The following ESF1 variants were observed in gnomAD, a reference collection of about 807,000 sequenced individuals.
The protein encoded by ESF1 is ESF1 nucleolar pre-rRNA processing protein, also known as ESF1 homolog.
ESF1 carries 58 observed loss-of-function variants against 92.0 expected under a neutral mutation model. The ratio of observed to expected loss-of-function variants is 0.63; its 90% confidence interval spans 0.51 to 0.78. ESF1 has a LOEUF of 0.78. Among genes scored for constraint, ESF1 ranks in the 30% least tolerant of loss-of-function variants. The pLI is 0.00. For missense variants in ESF1, 922 were observed against 989.1 expected (o/e 0.93, Z 0.91); for synonymous variants, 321 against 313.7 (o/e 1.02, Z -0.24).
intron 2 of ESF1, 61 bp downstream of exon 2, chr20:13,782,443 A>G (rs997340884): frequency 9.6e-6 from 13 of 1,349,202 alleles, no homozygotes; most frequent in African/African-American, 7.5e-5. Context: ...TACATTTTTG[A>G]AAGATCAGTA....
At chr20:13,725,345 A>G (rs1010559990) in intron 11 of ESF1, among the ~76,000 whole-genome samples, 13 of 152,220 alleles carry the variant, frequency 8.5e-5, no homozygotes, top group Admixed American at 3.3e-4. Context: ...CCCAAGGGAA[A>G]GAAAACATGC....
intron 1 of ESF1, 60 bp downstream of exon 1, chr20:13,784,820 A>T (rs1980597209): frequency 3.6e-6 from 2 of 561,208 alleles, no homozygotes; most frequent in Non-Finnish European, 6.4e-6. Context: ...CGCGCCACAC[A>T]CACACACGCC....
At chr20:13,755,324 ATTAT>A (rs1978843995) in intron 9 of ESF1, among the ~76,000 whole-genome samples, 6 of 152,198 alleles carry the variant, frequency 3.9e-5, no homozygotes, top group Admixed American at 3.9e-4. Flanking sequence ...CAAACATGCC[ATTAT>A]TTATTTCTGG....
chr20:13,727,867 G>T (rs953756648), intron 11 of ESF1, among the ~76,000 whole-genome samples: 37 of 152,110 alleles, frequency 2.4e-4, no homozygotes, highest in African/African-American at 8.7e-4. Context: ...AGATGCTTTT[G>T]TATGTTTCAG....
At chr20:13,757,506 C>A (rs553098416) in intron 9 of ESF1, among the ~76,000 whole-genome samples, 7 of 152,266 alleles carry the variant, frequency 4.6e-5, no homozygotes, top group Admixed American at 1.3e-4. Context: ...TCAGGTGATC[C>A]TACCACCTCA....
intron 9 of ESF1, among the ~76,000 whole-genome samples, chr20:13,738,050 G>C (rs1307554253): frequency 2.0e-5 from 3 of 152,204 alleles, no homozygotes; most frequent in Non-Finnish European, 4.4e-5. Flanking sequence ...CACCCCAATG[G>C]TGTAGGGAGA....
chr20:13,721,977 C>A (rs555796391), intron 11 of ESF1, among the ~76,000 whole-genome samples: 13 of 152,160 alleles, frequency 8.5e-5, no homozygotes, highest in Non-Finnish European at 1.6e-4. Context: ...ATGAACCCCC[C>A]ATTCCCTAAA....
chr20:13,758,115 C>A (rs6079164), intron 9 of ESF1, among the ~76,000 whole-genome samples: 14,111 of 152,196 alleles, frequency 0.093, 817 homozygotes, highest in Non-Finnish European at 0.13. Flanking sequence ...TTCTGCGAGA[C>A]AATTCTAATA....
At chr20:13,746,454 C>T (rs2050049063) in intron 9 of ESF1, among the ~76,000 whole-genome samples, 1 of 152,120 alleles carries the variant, frequency 6.6e-6, no homozygotes, top group African/African-American at 2.4e-5. Flanking sequence ...TCAGTTACTC[C>T]CCATCAAAAT....
intron 7 of ESF1, among the ~76,000 whole-genome samples, chr20:13,769,693 C>T (rs1029218080): frequency 6.6e-6 from 1 of 152,050 alleles, no homozygotes; most frequent in Admixed American, 6.6e-5. Context: ...AGCTGAGGCA[C>T]GAGAATCGCT....
intron 2 of ESF1, among the ~76,000 whole-genome samples, chr20:13,777,348 G>GAAGATGGA (rs1979990080): frequency 1.3e-5 from 2 of 152,206 alleles, no homozygotes; most frequent in African/African-American, 4.8e-5. Flanking sequence ...AGTTAGCTAA[G>GAAGATGGA]AAGATGGAAA....
At chr20:13,771,304 A>C in intron 6 of ESF1, 27 bp downstream of exon 6, 1 of 1,578,188 alleles carries the variant, frequency 6.3e-7, no homozygotes. Context: ...CTAAAAGATT[A>C]AATTGGTAAT....
intron 12 of ESF1, 110 bp from the exon 13 acceptor site, chr20:13,717,624 A>G (rs1274584636): frequency 8.2e-7 from 1 of 1,222,616 alleles, no homozygotes; most frequent in Non-Finnish European, 1.1e-6. Flanking sequence ...CTCAATCACT[A>G]GAACTCTGGG....
At chr20:13,779,562 T>C (rs949153068) in intron 2 of ESF1, among the ~76,000 whole-genome samples, 5 of 152,258 alleles carry the variant, frequency 3.3e-5, no homozygotes, top group African/African-American at 1.2e-4. Context: ...TGAGACAAGG[T>C]CTTGCTCTGT....
intron 13 of ESF1, among the ~76,000 whole-genome samples, chr20:13,716,125 A>G (rs111480307): frequency 2.2e-4 from 34 of 152,260 alleles, no homozygotes; most frequent in Middle Eastern, 3.4e-3. Flanking sequence ...GCTACCCTCC[A>G]TTGTTTGAAC....
intron 5 of ESF1, among the ~76,000 whole-genome samples, chr20:13,771,915 T>C (rs1276298290): frequency 1.6e-5 from 2 of 125,064 alleles, no homozygotes; most frequent in African/African-American, 3.2e-5. Context: ...ACACATTCTT[T>C]TTTTTTTTTT....
In ESF1 at chr20:13,783,185, T is replaced by C. The variant is rs1268839348; in HGVS notation, c.-43-2A>G. The C allele has an allele frequency of 8.4e-6, 13 of 1,544,292 alleles. No homozygotes were observed. In the Admixed American group the frequency reaches 1.0e-4, roughly 12 times the overall value. ...CCAAATGCTTGAAGAAAACAAATAC[T>C]GAAAAATAAAACAAATGTTTTAATG... On this transcript the variant is annotated splice_acceptor_variant, in intron 1 of 13. Coordinates refer to ENST00000617257, the MANE Select transcript of ESF1 (RefSeq NM_001276380.2). LOFTEE classifies it low-confidence loss of function (5UTR_SPLICE).
At position 13,715,093 on chromosome 20, in the gene ESF1, A is replaced by G. The variant is rs2049815061; in HGVS notation, c.2337T>C (p.Asn779=). The G allele has an allele frequency of 6.2e-7, 1 of 1,613,798 alleles. No homozygotes were observed. Among genetic ancestry groups the G allele is most frequent in the African/African-American group, 1.3e-5 (1 of 74,844 alleles). The change falls in exon 14 of 14, where the codon AAT becomes AAC. Residue 779 remains asparagine (N), a synonymous_variant. Transcript: ENST00000617257. The part of the protein sequence containing the change: ...HLFNLDPSDP[N]FKKTKAMEKI... ...TTTCCATAGCTTTTGTTTTCTTGAA[A>G]TTGGGATCTGAGGGGTCCAAATTGA...
chr20:13,768,576 AG>A (rs1235758094), intron 7 of ESF1, among the ~76,000 whole-genome samples: 1 of 147,158 alleles, frequency 6.8e-6, no homozygotes, highest in Non-Finnish European at 1.5e-5. Context: ...AGTGAGACTC[AG>A]TCTCCAAAAA....
Sources: allele counts gnomAD v4.1 joint callset (sites outside exome capture counted in the v4.1 genomes callset), GRCh38; gene constraint gnomAD v4.1.1; transcripts MANE v1.5; gene names NCBI Gene and HGNC (gene_info 2026-07-23, HGNC 2026-07-21).